Variants in OXSR1 observed in about 807,000 individuals in gnomAD.
The protein encoded by OXSR1 is serine/threonine-protein kinase OSR1.
In OXSR1, 24 loss-of-function variants were observed where a neutral mutation model predicts 79.8. The ratio of observed to expected loss-of-function variants is 0.30; its 90% CI spans 0.22 to 0.42. OXSR1 has a LOEUF of 0.42. OXSR1 is among the 10% of genes least tolerant of loss of function. The pLI is 1.00. For missense variants in OXSR1, 430 were observed against 618.4 expected (o/e 0.70, Z 3.23); for synonymous variants, 226 against 209.2 (o/e 1.08, Z -0.69).
intron 11 of OXSR1, among the ~76,000 whole-genome samples, chr3:38,241,566 T>C (rs186174661): frequency 6.6e-6 from 1 of 152,076 alleles, no homozygotes; most frequent in African/African-American, 2.4e-5. Context: ...TAAACAGCCA[T>C]GATATATGCA....
At chr3:38,226,453 CCATGAGTGTGAGCT>C (rs1279902610) in intron 8 of OXSR1, among the ~76,000 whole-genome samples, 1 of 152,064 alleles carries the variant, frequency 6.6e-6, no homozygotes, top group Non-Finnish European at 1.5e-5. Flanking sequence ...TTAAAACTTT[CCATGAGTGTGAGCT>C]GGACTTGTTG....
rs1703128851 is a variant in OXSR1 at position 38,245,797 on chromosome 3, G to A, written c.1111-278G>A. Among the ~76,000 whole-genome samples the A allele has an allele frequency of 3.3e-5, 5 of 152,142 alleles. No individual in the cohort carries two copies. The South Asian group carries it at 1.0e-3, about 31-fold the overall frequency. On this transcript the variant is annotated intron_variant, in intron 12 of 17. Coordinates refer to ENST00000311806, the MANE Select transcript of OXSR1 (RefSeq NM_005109.3). ...TTCTAAAACGATTGTGGTGATGGTT[G>A]CACAATTCTATATATGGTACAAAAA...
In OXSR1 at chr3:38,194,199, C is replaced by T. The variant is rs541871727; in HGVS notation, c.292+3360C>T. 1.2e-3 allele frequency among the ~76,000 whole-genome samples: 187 copies of T among 152,236 alleles called. 2 individuals are homozygous for T. Among genetic ancestry groups the T allele is most frequent in the African/African-American group, 4.3e-3 (178 of 41,540 alleles). On this transcript the variant is annotated intron_variant, in intron 3 of 17. Coordinates refer to ENST00000311806, the MANE Select transcript of OXSR1 (RefSeq NM_005109.3). ...TAACCTTATTGAGGGAGAACAGTTG[C>T]AGTGAGATTAACTAAAACTTGCCTC...
At chr3:38,226,331 G>A (rs1270239513) in intron 8 of OXSR1, among the ~76,000 whole-genome samples, 1 of 152,010 alleles carries the variant, frequency 6.6e-6, no homozygotes, top group Non-Finnish European at 1.5e-5. Context: ...ACAAAATTAA[G>A]TATATTGAAA....
intron 10 of OXSR1, among the ~76,000 whole-genome samples, chr3:38,235,343 A>G (rs1181793990): frequency 1.3e-5 from 2 of 152,204 alleles, no homozygotes; most frequent in African/African-American, 4.8e-5. Flanking sequence ...AGGTTGAGGA[A>G]ATTTCCCAGA....
chr3:38,195,744 ATAT>A (rs1279728905), intron 3 of OXSR1, among the ~76,000 whole-genome samples: 8 of 152,174 alleles, frequency 5.3e-5, no homozygotes, highest in Admixed American at 5.2e-4. Context: ...TACTTTGTCA[ATAT>A]TATTTTGATA....
At chr3:38,207,161 A>C (rs1702282405) in intron 4 of OXSR1, among the ~76,000 whole-genome samples, 1 of 152,268 alleles carries the variant, frequency 6.6e-6, no homozygotes, top group Non-Finnish European at 1.5e-5. Context: ...GTATGAAAGC[A>C]GCTATAGACA....
At chr3:38,240,457 T>C (rs952768990) in intron 11 of OXSR1, among the ~76,000 whole-genome samples, 1 of 152,156 alleles carries the variant, frequency 6.6e-6, no homozygotes, top group African/African-American at 2.4e-5. Flanking sequence ...AATGTGTGTG[T>C]GCGTGTATGT....
At chr3:38,249,862 C>T (rs896065634) in intron 14 of OXSR1, 104 bp from the exon 15 acceptor site, 2 of 742,614 alleles carry the variant, frequency 2.7e-6, no homozygotes, top group Non-Finnish European at 2.4e-6. Flanking sequence ...TCTATGGGAA[C>T]AAAACAGACT....
At chr3:38,225,767 A>G (rs1702677095) in intron 8 of OXSR1, among the ~76,000 whole-genome samples, 1 of 152,166 alleles carries the variant, frequency 6.6e-6, no homozygotes, top group Non-Finnish European at 1.5e-5. Context: ...TTGTGAACTA[A>G]TCCCATGGCT....
chr3:38,166,931 A>G (rs1281816482), intron 1 of OXSR1, among the ~76,000 whole-genome samples: 1 of 152,120 alleles, frequency 6.6e-6, no homozygotes, highest in Non-Finnish European at 1.5e-5. Context: ...AGGCGATAAC[A>G]TTTCAGTTGA....
intron 9 of OXSR1, among the ~76,000 whole-genome samples, chr3:38,230,067 A>G (rs2125842120): frequency 6.6e-6 from 1 of 152,290 alleles, no homozygotes; most frequent in South Asian, 2.1e-4. Context: ...TATATCAGAT[A>G]GTAGGATGTT....
intron 3 of OXSR1, among the ~76,000 whole-genome samples, chr3:38,192,386 A>C (rs1702000574): frequency 6.6e-6 from 1 of 152,162 alleles, no homozygotes; most frequent in Non-Finnish European, 1.5e-5. Context: ...TTTCCTCGGG[A>C]ATGGTACTTA....
chr3:38,181,358 T>G (rs1010971264), intron 1 of OXSR1, among the ~76,000 whole-genome samples: 6 of 148,474 alleles, frequency 4.0e-5, no homozygotes, highest in African/African-American at 1.2e-4. Flanking sequence ...TCAAAAGTTT[T>G]TTTTTTTTTT....
At chr3:38,232,346 T>C (rs1257173231) in intron 10 of OXSR1, among the ~76,000 whole-genome samples, 5 of 152,120 alleles carry the variant, frequency 3.3e-5, no homozygotes, top group Non-Finnish European at 7.4e-5. Flanking sequence ...CGCTTGAGCC[T>C]GGGAGGTTGA....
chr3:38,164,200 T>C (rs2125792526), upstream of OXSR1, among the ~76,000 whole-genome samples: 1 of 152,302 alleles, frequency 6.6e-6, no homozygotes, highest in South Asian at 2.1e-4. Context: ...TGTCTCCGTC[T>C]GTTGCCCAGA....
chr3:38,239,946 T>C (rs1177842218), intron 11 of OXSR1, among the ~76,000 whole-genome samples: 1 of 152,210 alleles, frequency 6.6e-6, no homozygotes, highest in East Asian at 1.9e-4. Flanking sequence ...TGTTTTTCTT[T>C]GCCCAGTGCC....
chr3:38,177,978 T>G (rs1701704419), intron 1 of OXSR1, among the ~76,000 whole-genome samples: 1 of 152,186 alleles, frequency 6.6e-6, no homozygotes, highest in African/African-American at 2.4e-5. Context: ...AGACAGAGCC[T>G]TGTTCTGTTG....
chr3:38,169,083 A>G (rs1451707289), intron 1 of OXSR1, among the ~76,000 whole-genome samples: 1 of 152,214 alleles, frequency 6.6e-6, no homozygotes, highest in African/African-American at 2.4e-5. Context: ...TAGTAATTAT[A>G]AGAGTTCTTG....
Sources: allele counts gnomAD v4.1 joint callset (sites outside exome capture counted in the v4.1 genomes callset), GRCh38; gene constraint gnomAD v4.1.1; transcripts MANE v1.5; gene names NCBI Gene and HGNC (gene_info 2026-07-23, HGNC 2026-07-21).